The following USH1C variants were observed in gnomAD, a reference collection of about 807,000 sequenced individuals.
USH1C encodes the protein USH1 protein network component harmonin, also known as harmonin.
A neutral mutation model predicts 119.3 loss-of-function variants in USH1C; 90 were observed. The ratio of observed to expected loss-of-function variants is 0.75; its 90% confidence interval spans 0.64 to 0.90. USH1C has a LOEUF of 0.90. USH1C is among the 40% of genes least tolerant of loss of function. The pLI, the probability that USH1C is intolerant of heterozygous loss-of-function variation, is 0.00. For synonymous variants in USH1C, 465 were observed against 443.3 expected, an observed-to-expected ratio of 1.05 and a Z score of -0.62; for missense variants, 1,165 against 1,167.7, an observed-to-expected ratio of 1.00 and a Z score of 0.03.
chr11:17,512,894 C>T (rs571792804), intron 15 of USH1C, among the ~76,000 whole-genome samples: 1 of 152,152 alleles, frequency 6.6e-6, no homozygotes, highest in South Asian at 2.1e-4. Flanking sequence ...CCTTATTTTT[C>T]CTGTAGGAAT....
chr11:17,499,135 C>T lies in USH1C; in HGVS notation c.2381-864G>A, dbSNP rs903730149. 5.9e-5 allele frequency among the ~76,000 whole-genome samples: 9 copies of T among 152,212 alleles called. No homozygotes were observed. The South Asian group carries it at 8.3e-4, about 14-fold the overall frequency. ...CTTTCCAAGAGGTAGACAGATTGTG[C>T]GTGGTTTTCCACACCTCTTTGACAT... On this transcript the variant is annotated intron_variant, in intron 23 of 26. Coordinates refer to ENST00000005226, the MANE Select transcript of USH1C (RefSeq NM_153676.4).
In USH1C at chr11:17,531,020, C is replaced by A; in HGVS notation, c.387+134G>T. ...GAGCCTAAGAACACCCATCAGGATG[C>A]GCCAGCCTCTTCTTCACCCGAAGGC... On this transcript the variant is annotated intron_variant, in intron 4 of 26. Coordinates refer to ENST00000005226, the MANE Select transcript of USH1C (RefSeq NM_153676.4). This position sits in a 1 kb window ranked among gnomAD's most constrained non-coding sequence, Gnocchi z 4.2. 3 of 1,394,828 alleles carry A rather than the reference C, an allele frequency of 2.2e-6. No individual in the cohort carries two copies. The highest frequency in any genetic ancestry group is 3.0e-6 in the Non-Finnish European group (3 of 1,014,804). The allele number at this position is 1,394,828 out of a possible 1,614,324, so 86.4% of individuals were successfully genotyped here.
chr11:17,494,775 G>C lies in USH1C; in HGVS notation c.2656-399C>G, dbSNP rs115167904. Reference sequence around the variant, plus strand: ...AACAGAAAAGTCAAGTCCAGGCTTGGGTCTGCCCCAGATGCTGCCATCTGT... The same window carrying C: ...AACAGAAAAGTCAAGTCCAGGCTTGCGTCTGCCCCAGATGCTGCCATCTGT... On this transcript the variant is annotated intron_variant, in intron 26 of 26. Coordinates refer to ENST00000005226, the MANE Select transcript of USH1C (RefSeq NM_153676.4). 5.8e-3 allele frequency: 1,846 copies of C among 317,068 alleles called. 31 individuals are homozygous for C. The highest frequency in any genetic ancestry group is 0.037 in the African/African-American group (1,736 of 46,744). 19.6% of individuals were successfully genotyped at this position (317,068 alleles called of 1,614,324 possible).
At chr11:17,519,024 GA>G (rs35854098) in intron 14 of USH1C, among the ~76,000 whole-genome samples, 25,112 of 144,326 alleles carry the variant, frequency 0.17, 2,412 homozygotes, top group South Asian at 0.27. Context: ...TCTGTCTCAA[GA>G]AAAAAAAAAA....
At chr11:17,535,229 AG>A (rs1851187989) in intron 1 of USH1C, among the ~76,000 whole-genome samples, 1 of 152,174 alleles carries the variant, frequency 6.6e-6, no homozygotes. Context: ...GACTTATCAA[AG>A]CCCAATCTCC....
intron 1 of USH1C, among the ~76,000 whole-genome samples, chr11:17,541,578 C>T (rs569080097): frequency 1.3e-5 from 2 of 152,336 alleles, no homozygotes; most frequent in East Asian, 1.9e-4. Context: ...GCTGGTGCTG[C>T]GAACAGAAGA....
At position 17,526,349 on chromosome 11, in the gene USH1C, G is replaced by T. The variant is rs1223763703; in HGVS notation, c.672C>A (p.Cys224Ter). 4 of 1,613,212 alleles carry T rather than the reference G, an allele frequency of 2.5e-6. No individual in the cohort carries two copies. Residue 224 changes from cysteine (C) to a stop codon, truncating the protein, a stop_gained and splice_region_variant, in exon 8 of 27, where the codon TGC becomes TGA. Coordinates refer to ENST00000005226, the MANE Select transcript of USH1C (RefSeq NM_153676.4). LOFTEE classifies it high-confidence loss of function. The stretch of plus-strand genomic sequence containing the variant: ...CCCAGGGCATGCCTGCCACCCACCT[G>T]CAGCCAAGGCCTCGGGAGCCTACCA... ...ISLVGSRGLG[C>*]SISSGPIQKP... is the part of the protein sequence containing the mutation.
intron 16 of USH1C, among the ~76,000 whole-genome samples, chr11:17,510,769 A>G (rs1026768150): frequency 1.3e-5 from 2 of 152,124 alleles, no homozygotes; most frequent in African/African-American, 4.8e-5. Flanking sequence ...GGGCTTATGT[A>G]TTGTGAGGGA....
rs536191185 is a variant in USH1C at position 17,533,285 on chromosome 11, T to C, written c.74A>G (p.Tyr25Cys). The C allele has an allele frequency of 1.1e-5, 17 of 1,613,678 alleles. No individual in the cohort carries two copies. The African/African-American group carries it at 2.0e-4, about 19-fold the overall frequency. The change falls in exon 2 of 27, where the codon TAT (tyrosine) becomes TGT (cysteine). Residue 25 changes from tyrosine (Y) to cysteine (C), a missense_variant. Transcript: ENST00000005226. ...FLIENDAEKD[Y>C]LYDVLRMYHQ... The stretch of plus-strand genomic sequence containing the variant: ...GTACATTCGCAGCACATCATAGAGA[T>C]AGTCCTTCTCTGCATCATTTTCAAT...
intron 16 of USH1C, among the ~76,000 whole-genome samples, chr11:17,511,098 G>A: frequency 6.6e-6 from 1 of 152,182 alleles, no homozygotes; most frequent in East Asian, 1.9e-4. Flanking sequence ...GGGGAGTTAA[G>A]GTTACCCATC....
chr11:17,531,457 G>T lies in USH1C; in HGVS notation c.190C>A (p.Pro64Thr). The T allele has an allele frequency of 6.2e-7, 1 of 1,614,092 alleles. No homozygotes were observed. Among genetic ancestry groups the T allele is most frequent in the Non-Finnish European group, 8.5e-7 (1 of 1,180,016 alleles). Residue 64 changes from proline to threonine, a missense_variant, in exon 3 of 27, where the codon CCG becomes ACG. Transcript: ENST00000005226. The surrounding 1 kb of genome is among the most constrained non-coding windows in gnomAD (Gnocchi z 4.2). The part of the protein sequence containing the change: ...SRLPLFDAIR[P>T]LIPLKHQVEY... ...ACCTGGTGCTTCAGTGGGATCAGCG[G>T]CCGAATGGCATCAAACAGAGGCAGA... is the stretch of plus-strand genomic sequence containing the variant.
intron 13 of USH1C, 40 bp from the exon 14 acceptor site, chr11:17,521,034 C>G (rs755080540): frequency 1.1e-5 from 17 of 1,612,766 alleles, no homozygotes; most frequent in Non-Finnish European, 1.3e-5. Flanking sequence ...GAGTCAGAAC[C>G]CCCATAGGCC....
chr11:17,526,240 CT>C, intron 8 of USH1C, 106 bp downstream of exon 8: 1 of 936,620 alleles, frequency 1.1e-6, no homozygotes, highest in Non-Finnish European at 1.7e-6. Context: ...AGTCACACCC[CT>C]GGTGGGCAAG....
chr11:17,496,486 C>T (rs1488961140), intron 25 of USH1C, among the ~76,000 whole-genome samples: 8 of 152,212 alleles, frequency 5.3e-5, no homozygotes, highest in African/African-American at 1.4e-4. Context: ...TTTTTCCCAA[C>T]GTCTCTGCTT....
Position 17,533,363 on chromosome 11 carries a change from A to ACCCC in USH1C, c.37-42_37-41insGGGG, listed in dbSNP as rs5789992. 65 of 1,373,456 alleles carry ACCCC rather than the reference A, an allele frequency of 4.7e-5. 1 individual carries two copies. Among genetic ancestry groups the ACCCC allele is most frequent in the African/African-American group, 2.3e-4 (16 of 68,378 alleles). 85.1% of individuals were successfully genotyped at this position (1,373,456 alleles called of 1,614,324 possible). A position where few individuals can be genotyped will look rare whatever the true frequency, so the allele number is the denominator to read the frequency against. Reference sequence around the variant, plus strand: ...GCAGAATCACAGCTCCAGGCTCAGCACCCGCCCCCATAGCAGACCTCAGGG... The same window carrying ACCCC: ...GCAGAATCACAGCTCCAGGCTCAGCACCCCCCCGCCCCCATAGCAGACCTCAGGG... On this transcript the variant is annotated intron_variant, in intron 1 of 26. Coordinates refer to ENST00000005226, the MANE Select transcript of USH1C (RefSeq NM_153676.4).
chr11:17,527,042 T>G lies in USH1C; in HGVS notation c.497-2A>C, dbSNP rs2133897518. On this transcript the variant is annotated splice_acceptor_variant, in intron 5 of 26. Transcript: ENST00000005226. LOFTEE classifies it high-confidence loss of function. ...TTTTCACGGGGATCAGGCCGATGTC[T>G]GCGGGAGAAAGGCACAGGGGTTAGG... 3 of 1,555,516 alleles carry G rather than the reference T, an allele frequency of 1.9e-6. No individual in the cohort carries two copies. Among genetic ancestry groups the G allele is most frequent in the Non-Finnish European group, 2.6e-6 (3 of 1,148,878 alleles).
At position 17,527,314 on chromosome 11, in the gene USH1C, G is replaced by T. The variant is rs762298047; in HGVS notation, c.405C>A (p.Val135=). Residue 135 remains valine (V), a synonymous_variant, in exon 5 of 27, where the codon GTC becomes GTA. Transcript: ENST00000005226. ...AGGAGATGGAATATCCATTGATCCGGACGATCTCGTCCCCTACCTTGACCA... is the reference window on the plus strand; with the variant it reads ...AGGAGATGGAATATCCATTGATCCGTACGATCTCGTCCCCTACCTTGACCA... The part of the protein sequence containing the change: ...SVGLQVGDEI[V]RINGYSISSC... 1.2e-6 allele frequency: 2 copies of T among 1,612,598 alleles called. No homozygotes were observed. Among genetic ancestry groups the T allele is most frequent in the East Asian group, 2.2e-5 (1 of 44,824 alleles).
Position 17,520,852 on chromosome 11 carries a change from T to C in USH1C, c.1210+18A>G. 1 of 1,614,102 alleles carries C rather than the reference T, an allele frequency of 6.2e-7. No individual in the cohort carries two copies. ...TGACTAGTTCCCTTAGCCTCTCCCC[T>C]CGGCTCATGAAACTTACACTTTGGC... On this transcript the variant is annotated intron_variant, in intron 14 of 26. Coordinates refer to ENST00000005226, the MANE Select transcript of USH1C (RefSeq NM_153676.4).
In USH1C at chr11:17,517,444, G is replaced by T. The variant is rs767006857; in HGVS notation, c.1211-1154C>A. 1 of 1,596,304 alleles carries T rather than the reference G, an allele frequency of 6.3e-7. No homozygotes were observed. The highest frequency in any genetic ancestry group is 8.5e-7 in the Non-Finnish European group (1 of 1,170,836). Reference sequence around the variant, plus strand: ...CGTGCCTCCATCCAGGTCATCTGCGGGCTCGAGCTCAGGTTCCACTCCCTG... The same window carrying T: ...CGTGCCTCCATCCAGGTCATCTGCGTGCTCGAGCTCAGGTTCCACTCCCTG... On this transcript the variant is annotated intron_variant, in intron 14 of 26. Coordinates refer to ENST00000005226, the MANE Select transcript of USH1C (RefSeq NM_153676.4).
Sources: allele counts gnomAD v4.1 joint callset (sites outside exome capture counted in the v4.1 genomes callset), GRCh38; gene constraint gnomAD v4.1.1; non-coding constraint Gnocchi (gnomAD v3.1); transcripts MANE v1.5; gene names NCBI Gene and HGNC (gene_info 2026-07-23, HGNC 2026-07-21).